PEX5L: variants seen among roughly 807,000 people sequenced by gnomAD.
PEX5L encodes the protein PEX5-related protein.
In PEX5L, 30 loss-of-function variants were observed where a neutral mutation model predicts 84.0. That is an observed-to-expected ratio of 0.36 (90% confidence interval 0.27 to 0.48). PEX5L has a LOEUF of 0.48. Among genes scored for constraint, PEX5L ranks in the 20% least tolerant of loss-of-function variants. PEX5L has a pLI of 0.99. For synonymous variants in PEX5L, 270 were observed against 283.1 expected, an observed-to-expected ratio of 0.95 and a Z score of 0.46; for missense variants, 533 against 754.6, an observed-to-expected ratio of 0.71 and a Z score of 3.44.
At chr3:179,867,933 G>A (rs1310622809) in intron 7 of PEX5L, among the ~76,000 whole-genome samples, 2 of 152,064 alleles carry the variant, frequency 1.3e-5, no homozygotes, top group African/African-American at 2.4e-5. Flanking sequence ...GCAGTGAGAA[G>A]GGAAATTGTG....
At chr3:180,032,623 G>A (rs1791560155) in intron 1 of PEX5L, among the ~76,000 whole-genome samples, 1 of 152,318 alleles carries the variant, frequency 6.6e-6, no homozygotes, top group Admixed American at 6.5e-5. Context: ...GGAGGCAAAG[G>A]CGCGTGGATC....
At chr3:179,825,885 T>C (rs748184862) in intron 8 of PEX5L, among the ~76,000 whole-genome samples, 1 of 152,214 alleles carries the variant, frequency 6.6e-6, no homozygotes, top group Non-Finnish European at 1.5e-5. Flanking sequence ...TGCTTGGAAA[T>C]GAAAAATAAT....
intron 2 of PEX5L, among the ~76,000 whole-genome samples, chr3:179,955,429 T>C (rs1036671459): frequency 1.3e-5 from 1 of 79,006 alleles, no homozygotes; most frequent in Non-Finnish European, 2.5e-5. Context: ...AGCGATGTTA[T>C]GTGACTTTTT....
chr3:179,922,509 C>T (rs1310646990), intron 2 of PEX5L, among the ~76,000 whole-genome samples: 2 of 146,830 alleles, frequency 1.4e-5, no homozygotes, highest in African/African-American at 2.5e-5. Flanking sequence ...AGTGCAGTGG[C>T]GCGGTCTCGG....
intron 2 of PEX5L, among the ~76,000 whole-genome samples, chr3:179,960,504 C>T (rs1439245937): frequency 6.6e-6 from 1 of 152,102 alleles, no homozygotes; most frequent in East Asian, 1.9e-4. Context: ...GGGTGCTCAC[C>T]AGTAAGCTAA....
intron 8 of PEX5L, among the ~76,000 whole-genome samples, chr3:179,838,147 A>G (rs1407027378): frequency 6.6e-6 from 1 of 152,204 alleles, no homozygotes; most frequent in African/African-American, 2.4e-5. Flanking sequence ...GAAATTCTTC[A>G]AAATTTCTGG....
rs544834469 is a variant in PEX5L at position 179,995,917 on chromosome 3, T to G, written c.22-24252A>C. Among the ~76,000 whole-genome samples the G allele has an allele frequency of 1.2e-3, 187 of 152,292 alleles. 1 individual carries two copies. Among genetic ancestry groups the G allele is most frequent in the Non-Finnish European group, 2.3e-3 (158 of 68,020 alleles). On this transcript the variant is annotated intron_variant, in intron 1 of 14. Transcript: ENST00000467460. ...ACGTGTGGGAGGACCCTGATGAAGC[T>G]GGGGACACTGAGTGTGTAAATTCTG...
intron 2 of PEX5L, among the ~76,000 whole-genome samples, chr3:179,915,380 G>A (rs1425808624): frequency 6.6e-6 from 1 of 152,118 alleles, no homozygotes; most frequent in African/African-American, 2.4e-5. Context: ...AGCTGGCATA[G>A]AGATTAAATA....
At chr3:179,907,545 C>A (rs1219428145) in intron 2 of PEX5L, among the ~76,000 whole-genome samples, 1 of 152,078 alleles carries the variant, frequency 6.6e-6, no homozygotes, top group East Asian at 1.9e-4. Context: ...AACTCCTGGC[C>A]TCAAGTGATC....
chr3:179,963,008 T>G (rs1782455069), intron 2 of PEX5L, among the ~76,000 whole-genome samples: 1 of 152,244 alleles, frequency 6.6e-6, no homozygotes, highest in African/African-American at 2.4e-5. Context: ...TTATGCTGCA[T>G]GTAATGAACA....
intron 1 of PEX5L, among the ~76,000 whole-genome samples, chr3:180,030,102 CAG>C (rs1372659387): frequency 1.3e-5 from 2 of 152,164 alleles, no homozygotes; most frequent in Non-Finnish European, 2.9e-5. Context: ...TACTGACAAA[CAG>C]GGAATATTTT....
chr3:179,945,349 A>G (rs907957412), intron 2 of PEX5L, among the ~76,000 whole-genome samples: 2 of 152,162 alleles, frequency 1.3e-5, no homozygotes, highest in Non-Finnish European at 2.9e-5. Context: ...GATATTTGGA[A>G]CAGTCATTAA....
At position 179,929,044 on chromosome 3, in the gene PEX5L, T is replaced by G. The variant is rs148538612; in HGVS notation, c.94-30798A>C. Among the ~76,000 whole-genome samples the G allele has an allele frequency of 9.8e-5, 15 of 152,332 alleles. 1 individual carries two copies. Among genetic ancestry groups the G allele is most frequent in the African/African-American group, 3.4e-4 (14 of 41,568 alleles). ...AGTTATATCCAAAAAGGGAAACATG[T>G]CAGGCCAGTAGGGCTCACATGATAA... On this transcript the variant is annotated intron_variant, in intron 2 of 14. Transcript: ENST00000467460.
intron 2 of PEX5L, among the ~76,000 whole-genome samples, chr3:179,950,776 G>A (rs968577771): frequency 2.0e-5 from 3 of 152,220 alleles, no homozygotes; most frequent in African/African-American, 7.2e-5. Flanking sequence ...AGAGGTCAAA[G>A]CAAGTAAAAC....
chr3:179,863,548 G>A (rs898321342), intron 7 of PEX5L, among the ~76,000 whole-genome samples: 3 of 152,042 alleles, frequency 2.0e-5, no homozygotes, highest in Non-Finnish European at 4.4e-5. Flanking sequence ...CTCAAAAGAA[G>A]ACGTACAAAT....
intron 2 of PEX5L, among the ~76,000 whole-genome samples, chr3:179,949,307 CCT>C (rs1157779656): frequency 3.3e-5 from 5 of 152,080 alleles, no homozygotes; most frequent in African/African-American, 1.2e-4. Context: ...TCCTTAGAGC[CCT>C]TTTTGTTAAG....
At chr3:179,843,452 G>A (rs969104130) in intron 8 of PEX5L, among the ~76,000 whole-genome samples, 1 of 152,218 alleles carries the variant, frequency 6.6e-6, no homozygotes, top group Non-Finnish European at 1.5e-5. Context: ...ACTGAGGCCT[G>A]CAGAGAGAAA....
intron 2 of PEX5L, among the ~76,000 whole-genome samples, chr3:179,963,157 C>T (rs1782484124): frequency 6.6e-6 from 1 of 152,070 alleles, no homozygotes; most frequent in Non-Finnish European, 1.5e-5. Flanking sequence ...TGCATTACTG[C>T]TTGGAAAACT....
chr3:179,947,831 C>G (rs950847644), intron 2 of PEX5L, among the ~76,000 whole-genome samples: 2 of 151,536 alleles, frequency 1.3e-5, no homozygotes, highest in Non-Finnish European at 2.9e-5. Flanking sequence ...CTCAGCCTCC[C>G]GAGTAGCTGG....
Sources: gnomAD v4.1 joint callset for allele counts (sites outside exome capture counted in the v4.1 genomes callset) on GRCh38, gnomAD v4.1.1 for gene constraint, MANE v1.5 for transcripts, NCBI Gene and HGNC (gene_info 2026-07-23, HGNC 2026-07-21) for gene names.